Variants in GRM7 observed in about 807,000 individuals in gnomAD.
GRM7 encodes glutamate metabotropic receptor 7.
GRM7 carries 35 observed loss-of-function variants against 84.5 expected under a neutral mutation model. That is an observed-to-expected ratio of 0.41 (90% confidence interval 0.32 to 0.55). The LOEUF is 0.55. Among genes scored for constraint, GRM7 ranks in the 20% least tolerant of loss-of-function variants. The probability of loss-of-function intolerance (pLI) is 0.19; values close to 1 mark genes in which losing one functional copy is unlikely to be tolerated. For missense variants in GRM7, 1,003 were observed against 1,194.6 expected (o/e 0.84, Z 2.36); for synonymous variants, 487 against 455.1 (o/e 1.07, Z -0.89).
intron 7 of GRM7, among the ~76,000 whole-genome samples, chr3:7,538,987 AGC>A (rs1692714456): frequency 1.3e-5 from 1 of 76,618 alleles, no homozygotes; most frequent in Non-Finnish European, 3.2e-5. Flanking sequence ...AGGAACTCTC[AGC>A]AGCCCCACAC....
chr3:7,725,515 A>G (rs949578860), intron 9 of GRM7, among the ~76,000 whole-genome samples: 7 of 152,108 alleles, frequency 4.6e-5, no homozygotes, highest in Non-Finnish European at 1.5e-5. Context: ...ACACACACAC[A>G]CAGAAGTAAA....
intron 4 of GRM7, among the ~76,000 whole-genome samples, chr3:7,353,841 C>T (rs1693269124): frequency 6.6e-6 from 1 of 152,068 alleles, no homozygotes; most frequent in Non-Finnish European, 1.5e-5. Context: ...TACATAGTTA[C>T]TATAATGGAC....
intron 7 of GRM7, among the ~76,000 whole-genome samples, chr3:7,539,344 T>C (rs1476818999): frequency 1.3e-5 from 2 of 152,152 alleles, no homozygotes; most frequent in African/African-American, 4.8e-5. Context: ...CAGGAAGTTC[T>C]TCTAAACATT....
chr3:6,996,483 G>A (rs1694835436), intron 1 of GRM7, among the ~76,000 whole-genome samples: 1 of 152,188 alleles, frequency 6.6e-6, no homozygotes, highest in Admixed American at 6.5e-5. Context: ...GTAAACTCCA[G>A]CATCCTGTGA....
chr3:7,736,957 C>A (rs7636477), intron 9 of GRM7, among the ~76,000 whole-genome samples: 25,520 of 151,842 alleles, frequency 0.17, 3,994 homozygotes, highest in African/African-American at 0.42. Context: ...TATGGGGTGG[C>A]AACAGGAAAG....
chr3:7,000,626 G>T (rs1031132806), intron 1 of GRM7, among the ~76,000 whole-genome samples: 1 of 152,166 alleles, frequency 6.6e-6, no homozygotes, highest in Non-Finnish European at 1.5e-5. Context: ...CTTTAATGAA[G>T]AATCCCCAGA....
In GRM7 at chr3:6,922,652, A is replaced by C. The variant is rs180879844; in HGVS notation, c.519+60745A>C. On this transcript the variant is annotated intron_variant, in intron 1 of 9. Transcript: ENST00000357716. Reference sequence around the variant, plus strand: ...ACCTATAACATACATATAGAACAGAACTTTAAACAGAGATTAGAGGAAGCT... The same window carrying C: ...ACCTATAACATACATATAGAACAGACCTTTAAACAGAGATTAGAGGAAGCT... Among the ~76,000 whole-genome samples, 240 of 152,328 alleles carry C rather than the reference A, an allele frequency of 1.6e-3. 1 individual carries two copies. Among genetic ancestry groups the C allele is most frequent in the East Asian group, 3.9e-4 (2 of 5,186 alleles).
At chr3:7,409,412 G>A (rs1026938429) in intron 4 of GRM7, among the ~76,000 whole-genome samples, 4 of 150,020 alleles carry the variant, frequency 2.7e-5, no homozygotes, top group African/African-American at 9.8e-5. Flanking sequence ...ACTTGTTCTT[G>A]GATAGATGTT....
chr3:6,880,460 G>A (rs1311536924), intron 1 of GRM7, among the ~76,000 whole-genome samples: 5 of 152,152 alleles, frequency 3.3e-5, no homozygotes, highest in Admixed American at 2.0e-4. Flanking sequence ...GTCCTGGCGG[G>A]CTTTAGAAAC....
chr3:6,890,393 A>G (rs957265458), intron 1 of GRM7, among the ~76,000 whole-genome samples: 1 of 151,656 alleles, frequency 6.6e-6, no homozygotes, highest in Non-Finnish European at 1.5e-5. Context: ...CTCTCTACAC[A>G]CTGCTTTGAA....
chr3:7,238,060 A>G (rs532328223), intron 2 of GRM7, among the ~76,000 whole-genome samples: 8 of 152,328 alleles, frequency 5.3e-5, no homozygotes, highest in Non-Finnish European at 1.0e-4. Context: ...TCAAAAGCTC[A>G]TAGCATTAAG....
chr3:7,371,687 C>T (rs1548148), intron 4 of GRM7, among the ~76,000 whole-genome samples: 2,380 of 152,252 alleles, frequency 0.016, 59 homozygotes, highest in African/African-American at 0.054. Flanking sequence ...TCTGACACCC[C>T]CTTTCTCCTC....
intron 5 of GRM7, among the ~76,000 whole-genome samples, chr3:7,428,328 G>A (rs763842673): frequency 2.6e-5 from 4 of 152,188 alleles, no homozygotes; most frequent in Non-Finnish European, 4.4e-5. Context: ...TGCAGAGGTC[G>A]TAAATCTGGG....
rs911831438 is a variant in GRM7, at chr3:6,981,501, G to A, written c.519+119594G>A. Reference sequence around the variant, plus strand: ...TATCCAGAGGCTGATGTTGGCATAGGTTGTCTACCTTGAGCACAAGACTTG... The same window carrying A: ...TATCCAGAGGCTGATGTTGGCATAGATTGTCTACCTTGAGCACAAGACTTG... On this transcript the variant is annotated intron_variant, in intron 1 of 9. Transcript: ENST00000357716. 2.6e-5 allele frequency among the ~76,000 whole-genome samples: 4 copies of A among 152,154 alleles called. No homozygotes were observed. In the East Asian group the frequency reaches 7.7e-4, roughly 29 times the overall value.
chr3:7,492,456 GGTGT>G (rs1464338278), intron 7 of GRM7, among the ~76,000 whole-genome samples: 1 of 151,996 alleles, frequency 6.6e-6, no homozygotes, highest in Non-Finnish European at 1.5e-5. Context: ...TCAGGGAATT[GGTGT>G]GTTTCTTTTC....
At chr3:7,043,454 C>A (rs1419583579) in intron 1 of GRM7, among the ~76,000 whole-genome samples, 1 of 152,186 alleles carries the variant, frequency 6.6e-6, no homozygotes, top group South Asian at 2.1e-4. Flanking sequence ...CCATAAGACT[C>A]ATCCCATTCA....
chr3:7,065,926 G>C (rs1697638587), intron 1 of GRM7, among the ~76,000 whole-genome samples: 3 of 151,710 alleles, frequency 2.0e-5, no homozygotes, highest in African/African-American at 7.3e-5. Context: ...TGCTGAATGA[G>C]CACTGGGTCA....
Position 7,567,805 on chromosome 3 carries a change from T to G in GRM7, c.1516-10617T>G, listed in dbSNP as rs73809424. Among the ~76,000 whole-genome samples, 887 of 140,016 alleles carry G rather than the reference T, an allele frequency of 6.3e-3. 7 individuals carry two copies. The highest frequency in any genetic ancestry group is 0.022 in the African/African-American group (842 of 37,702). The allele number at this position is 140,016 out of a possible 152,430, so 91.9% of individuals were successfully genotyped here. On this transcript the variant is annotated intron_variant, in intron 7 of 9. Transcript: ENST00000357716. ...AAAAAAGACACAACTCCAGGATGAC[T>G]TATATGCAAGGGTTTTTAAGGGCAG...
chr3:6,934,222 G>C (rs1170485664), intron 1 of GRM7, among the ~76,000 whole-genome samples: 6 of 152,166 alleles, frequency 3.9e-5, no homozygotes, highest in Non-Finnish European at 8.8e-5. Context: ...TAGGTACTCA[G>C]AAAATCTCCC....
Sources: allele counts gnomAD v4.1 joint callset (sites outside exome capture counted in the v4.1 genomes callset), GRCh38; gene constraint gnomAD v4.1.1; transcripts MANE v1.5; gene names NCBI Gene and HGNC (gene_info 2026-07-23, HGNC 2026-07-21).